SLC39A11: variants seen among roughly 807,000 people sequenced by gnomAD.
SLC39A11 encodes the protein zinc transporter ZIP11.
Under a neutral mutation model 36.1 loss-of-function variants are expected in SLC39A11, and 33 were observed. The observed-to-expected ratio is 0.91, with a 90% CI of 0.69 to 1.22. SLC39A11 has a LOEUF of 1.22. Among genes scored for constraint, SLC39A11 ranks in the 50% most tolerant of loss-of-function variants. The pLI is 0.00. For missense variants in SLC39A11, 432 were observed against 430.3 expected (o/e 1.00, Z -0.03); for synonymous variants, 166 against 170.3 (o/e 0.97, Z 0.20).
chr17:72,969,877 T>C (rs1446815110), intron 4 of SLC39A11, among the ~76,000 whole-genome samples: 1 of 152,158 alleles, frequency 6.6e-6, no homozygotes, highest in East Asian at 1.9e-4. Context: ...GCCTCTAAAA[T>C]ATTCTGCCCA....
intron 4 of SLC39A11, among the ~76,000 whole-genome samples, chr17:73,004,548 C>G (rs1464470476): frequency 2.6e-5 from 4 of 152,250 alleles, no homozygotes; most frequent in Non-Finnish European, 5.9e-5. Flanking sequence ...GGGGCTTCAA[C>G]ATACGAATGT....
intron 7 of SLC39A11, among the ~76,000 whole-genome samples, chr17:72,719,807 G>A (rs1436998671): frequency 6.6e-6 from 1 of 152,190 alleles, no homozygotes; most frequent in Admixed American, 6.5e-5. Flanking sequence ...AGGGACTTGG[G>A]TGGGGGTGGC....
intron 6 of SLC39A11, among the ~76,000 whole-genome samples, chr17:72,785,391 G>GAATAACTGACAA (rs112764324): frequency 0.073 from 11,135 of 152,242 alleles, 432 homozygotes; most frequent in African/African-American, 0.086. Context: ...AGAGTCGGGA[G>GAATAACTGACAA]AATTTCAAAG....
intron 7 of SLC39A11, among the ~76,000 whole-genome samples, chr17:72,719,119 T>C (rs1456244024): frequency 6.6e-6 from 1 of 151,066 alleles, no homozygotes; most frequent in African/African-American, 2.4e-5. Flanking sequence ...TGATGGCACA[T>C]GCCTGTAGTC....
intron 6 of SLC39A11, among the ~76,000 whole-genome samples, chr17:72,819,311 G>A (rs74655661): frequency 0.016 from 2,379 of 151,386 alleles, 89 homozygotes; most frequent in African/African-American, 0.054. Context: ...TGCAAACCAA[G>A]GAGACAGCCC....
intron 6 of SLC39A11, among the ~76,000 whole-genome samples, chr17:72,829,230 C>T (rs549248785): frequency 5.1e-4 from 77 of 152,084 alleles, no homozygotes; most frequent in South Asian, 1.2e-3. Flanking sequence ...CACCTGTGGT[C>T]CCAGCTACTC....
At chr17:72,879,334 G>T (rs1272529235) in intron 5 of SLC39A11, among the ~76,000 whole-genome samples, 1 of 152,108 alleles carries the variant, frequency 6.6e-6, no homozygotes, top group Admixed American at 6.5e-5. Context: ...GGGGCTCCCA[G>T]CCACCAGCCA....
chr17:72,957,507 G>A (rs1163508155), intron 4 of SLC39A11, among the ~76,000 whole-genome samples: 1 of 152,160 alleles, frequency 6.6e-6, no homozygotes, highest in Non-Finnish European at 1.5e-5. Context: ...TTAGAGGTCT[G>A]AAAGTTTTAC....
intron 5 of SLC39A11, among the ~76,000 whole-genome samples, chr17:72,946,839 T>A (rs2085460916): frequency 6.6e-6 from 1 of 152,112 alleles, no homozygotes; most frequent in Non-Finnish European, 1.5e-5. Flanking sequence ...TGGAAAACAA[T>A]GTATTGCATT....
chr17:72,684,800 T>C (rs539772786), intron 7 of SLC39A11, among the ~76,000 whole-genome samples: 1 of 152,320 alleles, frequency 6.6e-6, no homozygotes, highest in South Asian at 2.1e-4. Context: ...AGAGTGTAGC[T>C]ACAAGAGAAA....
chr17:72,809,506 C>T (rs117228192), intron 6 of SLC39A11, among the ~76,000 whole-genome samples: 1 of 152,120 alleles, frequency 6.6e-6, no homozygotes, highest in African/African-American at 2.4e-5. Context: ...TTCGTGGCTT[C>T]CCTTTTGCAA....
At chr17:72,810,884 C>A (rs945034021) in intron 6 of SLC39A11, among the ~76,000 whole-genome samples, 1 of 152,004 alleles carries the variant, frequency 6.6e-6, no homozygotes, top group African/African-American at 2.4e-5. Flanking sequence ...AAGAGTTTCA[C>A]CATGTTGGCT....
At chr17:72,676,125 C>CT (rs1172491283) in intron 7 of SLC39A11, among the ~76,000 whole-genome samples, 1 of 151,774 alleles carries the variant, frequency 6.6e-6, no homozygotes, top group African/African-American at 2.4e-5. Context: ...AAGCAACTCT[C>CT]TTTTTTTCAA....
Position 73,014,285 on chromosome 17 carries a change from A to T in SLC39A11, c.306+17271T>A, listed in dbSNP as rs547871443. Among the ~76,000 whole-genome samples, 9 of 152,262 alleles carry T rather than the reference A, an allele frequency of 5.9e-5. No individual in the cohort carries two copies. The South Asian group carries it at 1.0e-3, about 18-fold the overall frequency. On this transcript the variant is annotated intron_variant, in intron 4 of 9. Transcript: ENST00000255559. Reference sequence around the variant, plus strand: ...TCTGGGGAGGAATATGTTGCTGGGAACATTCAGTTCTCACTCCCTATCCCG... The same window carrying T: ...TCTGGGGAGGAATATGTTGCTGGGATCATTCAGTTCTCACTCCCTATCCCG...
At chr17:72,979,723 C>T (rs993259067) in intron 4 of SLC39A11, among the ~76,000 whole-genome samples, 2 of 152,182 alleles carry the variant, frequency 1.3e-5, no homozygotes, top group African/African-American at 4.8e-5. Flanking sequence ...CCCTCCAACA[C>T]AGGACCCCAA....
rs1050812825 is a variant in SLC39A11 at position 72,946,158 on chromosome 17, T to C, written c.430+1594A>G. Among the ~76,000 whole-genome samples the C allele has an allele frequency of 2.6e-5, 4 of 152,236 alleles. No individual in the cohort carries two copies. The East Asian group carries it at 7.7e-4, about 29-fold the overall frequency. On this transcript the variant is annotated intron_variant, in intron 5 of 9. Transcript: ENST00000255559. The stretch of plus-strand genomic sequence containing the variant: ...GCTCTACTGTGTCACCAGACAGTCC[T>C]TGACTATGTTCCAGTAAAAAGAGAA...
intron 7 of SLC39A11, among the ~76,000 whole-genome samples, chr17:72,734,982 G>A (rs760546851): frequency 1.6e-4 from 24 of 152,096 alleles, no homozygotes; most frequent in African/African-American, 4.6e-4. Context: ...CCCAGGCCCC[G>A]CGCTTAGAAG....
Position 72,891,281 on chromosome 17 carries a change from C to T in SLC39A11, c.431-41477G>A, listed in dbSNP as rs1302586671. Among the ~76,000 whole-genome samples, 3 of 152,138 alleles carry T rather than the reference C, an allele frequency of 2.0e-5. No homozygotes were observed. In the East Asian group the frequency reaches 5.8e-4, roughly 29 times the overall value. On this transcript the variant is annotated intron_variant, in intron 5 of 9. Transcript: ENST00000255559. ...TACTAAAAATACAAAATTAGCTGGG[C>T]GTGGTGGCACATGCCTGTAATCCCA...
At chr17:73,082,204 C>T (rs79307084) in intron 3 of SLC39A11, among the ~76,000 whole-genome samples, 7,646 of 149,380 alleles carry the variant, frequency 0.051, 263 homozygotes, top group East Asian at 0.1. Flanking sequence ...TTCCTATGAG[C>T]CTAGGGCTCT....
Sources: allele counts gnomAD v4.1 joint callset (sites outside exome capture counted in the v4.1 genomes callset), GRCh38; gene constraint gnomAD v4.1.1; transcripts MANE v1.5; gene names NCBI Gene and HGNC (gene_info 2026-07-23, HGNC 2026-07-21).